The following MCTP2 variants were observed in gnomAD, a reference collection of about 807,000 sequenced individuals.
MCTP2 encodes multiple C2 and transmembrane domain-containing protein 2.
A neutral mutation model predicts 111.6 loss-of-function variants in MCTP2; 132 were observed. The observed-to-expected ratio is 1.18, with a 90% CI of 1.03 to 1.37. The LOEUF is 1.37. Among genes scored for constraint, MCTP2 ranks in the 40% most tolerant of loss-of-function variants. The pLI is 0.00. For missense variants in MCTP2, 1,183 were observed against 1,067.9 expected (o/e 1.11, Z -1.50); for synonymous variants, 395 against 387.7 (o/e 1.02, Z -0.22).
At chr15:94,236,377 CTTTTTTT>C (rs71132992) in intron 1 of MCTP2, among the ~76,000 whole-genome samples, 5,243 of 72,546 alleles carry the variant, frequency 0.072, 105 homozygotes, top group Non-Finnish European at 0.089. Flanking sequence ...TCTTTTTTTT[CTTTTTTT>C]TTTTTTTTTT....
intron 1 of MCTP2, among the ~76,000 whole-genome samples, chr15:94,293,314 A>C (rs2075113113): frequency 6.6e-6 from 1 of 152,230 alleles, no homozygotes; most frequent in African/African-American, 2.4e-5. Context: ...GTGTTCAACA[A>C]AGGACTAATA....
At chr15:94,310,499 T>A (rs1432222255) in intron 2 of MCTP2, among the ~76,000 whole-genome samples, 3 of 152,008 alleles carry the variant, frequency 2.0e-5, no homozygotes, top group South Asian at 4.1e-4. Context: ...AAATTTTTTT[T>A]AAAAAGGCCA....
intron 2 of MCTP2, among the ~76,000 whole-genome samples, chr15:94,300,660 C>T (rs1357001937): frequency 6.6e-6 from 1 of 152,034 alleles, no homozygotes; most frequent in African/African-American, 2.4e-5. Context: ...TTTGGGAGAT[C>T]TTACAAGCAG....
chr15:94,281,574 T>C (rs1293372361), intron 1 of MCTP2, among the ~76,000 whole-genome samples: 2 of 152,182 alleles, frequency 1.3e-5, no homozygotes, highest in Non-Finnish European at 1.5e-5. Context: ...TTAATATTGA[T>C]ATATACAGGT....
rs576349528 is a variant in MCTP2 at position 94,243,374 on chromosome 15, T to C, written c.-66+11710T>C. 2.1e-5 allele frequency among the ~76,000 whole-genome samples: 3 copies of C among 142,328 alleles called. No individual in the cohort carries two copies. In the East Asian group the frequency reaches 6.1e-4, roughly 29 times the overall value. 93.4% of individuals were successfully genotyped at this position (142,328 alleles called of 152,430 possible). On this transcript the variant is annotated intron_variant, in intron 1 of 22. Coordinates refer to ENST00000357742, the MANE Select transcript of MCTP2 (RefSeq NM_001385001.1). ...ACATACGTATGCGTATATGCGTATG[T>C]ACATACATACGTATGCGTATATGCG... is the stretch of plus-strand genomic sequence containing the variant.
At chr15:94,406,858 GTTT>G (rs199663326) in intron 17 of MCTP2, among the ~76,000 whole-genome samples, 42 of 132,100 alleles carry the variant, frequency 3.2e-4, no homozygotes, top group Middle Eastern at 8.1e-3. Flanking sequence ...CTTTTCAGTT[GTTT>G]TTTTTTTTTT....
chr15:94,245,693 TATAA>T (rs1221137220), intron 1 of MCTP2, among the ~76,000 whole-genome samples: 2 of 145,574 alleles, frequency 1.4e-5, no homozygotes, highest in Admixed American at 7.1e-5. Context: ...TGTATACATA[TATAA>T]ATATATGTGT....
intron 1 of MCTP2, among the ~76,000 whole-genome samples, chr15:94,249,868 A>G (rs1175550288): frequency 6.6e-6 from 1 of 152,154 alleles, no homozygotes; most frequent in Non-Finnish European, 1.5e-5. Context: ...TTGTCATCCA[A>G]GACTGTTTTT....
chr15:94,265,686 C>T (rs2073478347), intron 1 of MCTP2, among the ~76,000 whole-genome samples: 1 of 152,064 alleles, frequency 6.6e-6, no homozygotes, highest in Admixed American at 6.5e-5. Flanking sequence ...TTCAGTTGTA[C>T]ATTTAAAATG....
chr15:94,327,888 C>G (rs75992294), intron 4 of MCTP2, among the ~76,000 whole-genome samples: 3,674 of 152,230 alleles, frequency 0.024, 147 homozygotes, highest in African/African-American at 0.084. Flanking sequence ...GTGGATTGAT[C>G]AGAATGTCTT....
At chr15:94,346,635 A>G (rs555106716) in intron 8 of MCTP2, among the ~76,000 whole-genome samples, 1 of 152,306 alleles carries the variant, frequency 6.6e-6, no homozygotes, top group African/African-American at 2.4e-5. Flanking sequence ...ATCAATAACC[A>G]TCTTTAGTTA....
intron 1 of MCTP2, among the ~76,000 whole-genome samples, chr15:94,256,563 T>C (rs2072785002): frequency 1.3e-5 from 2 of 152,212 alleles, no homozygotes; most frequent in African/African-American, 4.8e-5. Flanking sequence ...TGATGTTGTT[T>C]AAATTGAGAG....
At chr15:94,314,732 T>C (rs187223380) in intron 3 of MCTP2, 7 of 464,620 alleles carry the variant, frequency 1.5e-5, no homozygotes, top group African/African-American at 7.9e-5. Context: ...TTAAGGACAG[T>C]CAAAAGTTTG....
intron 4 of MCTP2, among the ~76,000 whole-genome samples, chr15:94,324,291 C>T (rs920858980): frequency 6.6e-6 from 1 of 152,210 alleles, no homozygotes; most frequent in African/African-American, 2.4e-5. Flanking sequence ...GCTCGTAGAG[C>T]GCTAATACGT....
intron 18 of MCTP2, 49 bp from the exon 19 acceptor site, chr15:94,442,870 T>A: frequency 6.6e-7 from 1 of 1,515,852 alleles, no homozygotes. Flanking sequence ...TAATTTGCAT[T>A]TGTTAATTTC....
At chr15:94,304,833 C>T (rs1484475025) in intron 2 of MCTP2, among the ~76,000 whole-genome samples, 1 of 152,170 alleles carries the variant, frequency 6.6e-6, no homozygotes, top group African/African-American at 2.4e-5. Context: ...TCCAGGAAGC[C>T]TGGATTTTAA....
intron 1 of MCTP2, among the ~76,000 whole-genome samples, chr15:94,253,658 G>T (rs1158208014): frequency 2.0e-5 from 3 of 151,984 alleles, no homozygotes; most frequent in Non-Finnish European, 2.9e-5. Flanking sequence ...AATAAATGGG[G>T]TGTGTATTTT....
chr15:94,383,694 C>T (rs1053401828), intron 12 of MCTP2, among the ~76,000 whole-genome samples: 1 of 152,178 alleles, frequency 6.6e-6, no homozygotes, highest in Non-Finnish European at 1.5e-5. Context: ...GGAAACCGCC[C>T]CCATGATTCA....
intron 17 of MCTP2, among the ~76,000 whole-genome samples, chr15:94,437,896 G>A (rs1448251180): frequency 1.3e-5 from 2 of 151,840 alleles, no homozygotes; most frequent in African/African-American, 4.8e-5. Flanking sequence ...CAGGAATTTA[G>A]CTGTAAAAGA....
Sources: allele counts gnomAD v4.1 joint callset (sites outside exome capture counted in the v4.1 genomes callset), GRCh38; gene constraint gnomAD v4.1.1; transcripts MANE v1.5; gene names NCBI Gene and HGNC (gene_info 2026-07-23, HGNC 2026-07-21).